The following CRTAC1 variants were observed in gnomAD, a reference collection of about 807,000 sequenced individuals.
The protein encoded by CRTAC1 is cartilage acidic protein 1, also known as acidic secreted protein in cartilage.
In CRTAC1, 37 loss-of-function variants were observed where a neutral mutation model predicts 67.8. That is an observed-to-expected ratio of 0.55 (90% CI 0.42 to 0.72). CRTAC1 has a LOEUF of 0.72. Among genes scored for constraint, CRTAC1 ranks in the 30% least tolerant of loss-of-function variants. The pLI, the probability that CRTAC1 is intolerant of heterozygous loss-of-function variation, is 0.00. For synonymous variants in CRTAC1, 348 were observed against 371.0 expected, an observed-to-expected ratio of 0.94 and a Z score of 0.71; for missense variants, 780 against 931.6, an observed-to-expected ratio of 0.84 and a Z score of 2.12.
At chr10:97,954,325 G>C (rs1037301242) in intron 2 of CRTAC1, among the ~76,000 whole-genome samples, 31 of 152,278 alleles carry the variant, frequency 2.0e-4, no homozygotes, top group African/African-American at 6.0e-4. Context: ...CACAAATAAG[G>C]CTCCTGTCCG....
chr10:97,992,344 A>G (rs991655717), intron 2 of CRTAC1, among the ~76,000 whole-genome samples: 13 of 152,230 alleles, frequency 8.5e-5, no homozygotes, highest in African/African-American at 3.1e-4. Flanking sequence ...ATGGAAAAAT[A>G]TATGTTCAAA....
intron 4 of CRTAC1, among the ~76,000 whole-genome samples, chr10:97,919,605 G>A (rs540306104): frequency 4.6e-5 from 7 of 151,996 alleles, no homozygotes; most frequent in African/African-American, 1.7e-4. Flanking sequence ...TACTCAAAGT[G>A]GTCCCTACAC....
intron 11 of CRTAC1, among the ~76,000 whole-genome samples, chr10:97,887,270 T>C (rs925166378): frequency 1.3e-5 from 2 of 149,646 alleles, no homozygotes; most frequent in South Asian, 2.1e-4. Flanking sequence ...AGATGGAGTT[T>C]TGCTCTTGTT....
Position 97,895,869 on chromosome 10 carries a change from T to C in CRTAC1, c.1317+16A>G. ...ACACAGGGCTGGGATCTGTGGCTCC[T>C]GAGGTCTTAGCGCACCTGATTGCCC... On this transcript the variant is annotated intron_variant, in intron 10 of 14. Transcript: ENST00000370597. The surrounding 1 kb of genome is among the most constrained non-coding windows in gnomAD (Gnocchi z 4.2). The C allele has an allele frequency of 1.2e-6, 2 of 1,603,534 alleles. No homozygotes were observed. The highest frequency in any genetic ancestry group is 8.5e-7 in the Non-Finnish European group (1 of 1,170,984).
At chr10:97,897,104 C>T (rs955836970) in intron 8 of CRTAC1, 113 bp from the exon 9 acceptor site, 7 of 687,246 alleles carry the variant, frequency 1.0e-5, no homozygotes, top group African/African-American at 7.3e-5. Flanking sequence ...TGTGCATGGG[C>T]TACCACCTGG....
At chr10:97,911,529 G>A (rs2050688055) in intron 5 of CRTAC1, among the ~76,000 whole-genome samples, 1 of 152,228 alleles carries the variant, frequency 6.6e-6, no homozygotes, top group African/African-American at 2.4e-5. Context: ...TGAGTCGACA[G>A]TCAGGAAGCT....
rs796585183 is a variant in CRTAC1 at position 98,029,488 on chromosome 10, A to AGCGGCGGCGGCGGCGGCGGCGGCG, written c.24+960_24+961insCGCCGCCGCCGCCGCCGCCGCCGC. Reference sequence around the variant, plus strand: ...CACACTGGGTGCACCCACCAGCAGCAGCAGCGGCGGCGGCGGCGGCGGCGG... The same window carrying AGCGGCGGCGGCGGCGGCGGCGGCG: ...CACACTGGGTGCACCCACCAGCAGCAGCGGCGGCGGCGGCGGCGGCGGCGGCAGCGGCGGCGGCGGCGGCGGCGG... On this transcript the variant is annotated intron_variant, in intron 1 of 14. Transcript: ENST00000370597. The surrounding 1 kb of genome is among the most constrained non-coding windows in gnomAD (Gnocchi z 4.7). 3.3e-4 allele frequency among the ~76,000 whole-genome samples: 40 copies of AGCGGCGGCGGCGGCGGCGGCGGCG among 122,834 alleles called. No individual in the cohort carries two copies. Among genetic ancestry groups the AGCGGCGGCGGCGGCGGCGGCGGCG allele is most frequent in the Admixed American group, 7.8e-4 (10 of 12,824 alleles). The allele number at this position is 122,834 out of a possible 152,430, so 80.6% of individuals were successfully genotyped here.
intron 8 of CRTAC1, 96 bp downstream of exon 8, chr10:97,901,405 TGG>T (rs1477285418): frequency 6.0e-6 from 9 of 1,504,036 alleles, no homozygotes; most frequent in Non-Finnish European, 8.2e-6. Context: ...CCCCTGGCCC[TGG>T]GAACCCTCCC....
At chr10:98,005,100 A>ATATATATTT in intron 2 of CRTAC1, among the ~76,000 whole-genome samples, 1 of 48,884 alleles carries the variant, frequency 2.0e-5, no homozygotes, top group African/African-American at 1.2e-4. Context: ...ATATATATAT[A>ATATATATTT]TTTTTTTTTT....
Position 97,962,884 on chromosome 10 carries a change from C to A in CRTAC1, c.225-26518G>T, listed in dbSNP as rs7074763. Among the ~76,000 whole-genome samples the A allele has an allele frequency of 6.1e-3, 919 of 151,716 alleles. 10 individuals carry two copies. Among genetic ancestry groups the A allele is most frequent in the African/African-American group, 0.02 (826 of 41,342 alleles). On this transcript the variant is annotated intron_variant, in intron 2 of 14. Coordinates refer to ENST00000370597, the MANE Select transcript of CRTAC1 (RefSeq NM_018058.7). ...AGGAGGAAAAGAATAGCAAAAAAAACCAAAACAAAAACAAAAAACAAAAAA... is the reference window on the plus strand; with the variant it reads ...AGGAGGAAAAGAATAGCAAAAAAAAACAAAACAAAAACAAAAAACAAAAAA...
chr10:98,017,265 C>T (rs887778596), intron 1 of CRTAC1, among the ~76,000 whole-genome samples: 2 of 152,148 alleles, frequency 1.3e-5, no homozygotes, highest in Admixed American at 6.5e-5. Context: ...AGGAGCTCTC[C>T]CAACAATCAG....
chr10:97,974,972 G>C (rs536668232), intron 2 of CRTAC1, among the ~76,000 whole-genome samples: 1 of 152,044 alleles, frequency 6.6e-6, no homozygotes, highest in Non-Finnish European at 1.5e-5. Context: ...GGGGAGAAGG[G>C]AGCGGGCAGT....
At chr10:98,017,700 AT>A (rs397846855) in intron 1 of CRTAC1, among the ~76,000 whole-genome samples, 5,104 of 129,018 alleles carry the variant, frequency 0.04, 144 homozygotes, top group East Asian at 0.14. Flanking sequence ...ACTCCTGGCT[AT>A]TTTTTTTTTT....
At chr10:97,923,123 G>C in intron 4 of CRTAC1, 141 bp downstream of exon 4, 1 of 878,454 alleles carries the variant, frequency 1.1e-6, no homozygotes. Context: ...CATTCTGCAA[G>C]TCTTAGTTGT....
intron 2 of CRTAC1, among the ~76,000 whole-genome samples, chr10:97,996,265 G>C (rs1242417412): frequency 6.6e-6 from 1 of 151,404 alleles, no homozygotes. Flanking sequence ...CTTCTGCACA[G>C]CAAAAGAAAC....
intron 8 of CRTAC1, among the ~76,000 whole-genome samples, chr10:97,900,059 G>A (rs2050511738): frequency 6.6e-6 from 1 of 152,210 alleles, no homozygotes; most frequent in Non-Finnish European, 1.5e-5. Context: ...GAGATTCTAA[G>A]TCAGGGGCTG....
chr10:97,935,395 T>A (rs1176931149), intron 3 of CRTAC1, among the ~76,000 whole-genome samples: 3 of 152,220 alleles, frequency 2.0e-5, no homozygotes, highest in Non-Finnish European at 2.9e-5. Flanking sequence ...ATTTCCGTCA[T>A]CCATTCCTTA....
chr10:97,894,931 CCA>C (rs2050434785), intron 11 of CRTAC1, among the ~76,000 whole-genome samples: 3 of 150,816 alleles, frequency 2.0e-5, no homozygotes, highest in African/African-American at 7.3e-5. Flanking sequence ...TTGGTGCAGC[CCA>C]GCATTTGAAC....
At chr10:97,943,790 T>C (rs1441795505) in intron 2 of CRTAC1, among the ~76,000 whole-genome samples, 1 of 152,246 alleles carries the variant, frequency 6.6e-6, no homozygotes, top group Non-Finnish European at 1.5e-5. Context: ...TATGGCTGCT[T>C]TTGCTAAATA....
Sources: allele counts gnomAD v4.1 joint callset (sites outside exome capture counted in the v4.1 genomes callset), GRCh38; gene constraint gnomAD v4.1.1; non-coding constraint Gnocchi (gnomAD v3.1); transcripts MANE v1.5; gene names NCBI Gene and HGNC (gene_info 2026-07-23, HGNC 2026-07-21).